Variants in PEX5L observed in about 807,000 individuals in gnomAD.
PEX5L encodes PEX5-related protein.
A neutral mutation model predicts 84.0 loss-of-function variants in PEX5L; 30 were observed. That is an observed-to-expected ratio of 0.36 (90% CI 0.27 to 0.48). PEX5L has a LOEUF of 0.48. Ranked by LOEUF, PEX5L falls within the 20% of genes least tolerant of loss-of-function variation. The probability of loss-of-function intolerance (pLI) is 0.99; values close to 1 mark genes in which losing one functional copy is unlikely to be tolerated. For synonymous variants in PEX5L, 270 were observed against 283.1 expected (o/e 0.95, Z 0.46); for missense variants, 533 against 754.6 (o/e 0.71, Z 3.44).
In PEX5L at chr3:179,799,793, G is replaced by C. The variant is rs1040291252; in HGVS notation, c.*2035C>G. ...AGGCTGGCCCCAAGAGTCCTTACCA[G>C]ACTGGGTTTCTCGAATTCTACAATT... is the stretch of plus-strand genomic sequence containing the variant. On this transcript the variant is annotated 3_prime_UTR_variant, in exon 15 of 15. Transcript: ENST00000467460. The C allele has an allele frequency of 1.3e-5, 2 of 152,198 alleles. No individual in the cohort carries two copies. The highest frequency in any genetic ancestry group is 4.1e-4 in the South Asian group (2 of 4,832). The allele number at this position is 152,198 out of a possible 1,614,324, so 9.4% of individuals were successfully genotyped here.
At chr3:179,876,801 C>T (rs1752572548) in intron 5 of PEX5L, among the ~76,000 whole-genome samples, 1 of 152,080 alleles carries the variant, frequency 6.6e-6, no homozygotes, top group Non-Finnish European at 1.5e-5. Context: ...ATTGTAGGTA[C>T]CTCATACAAG....
chr3:179,907,536 ACTCCTGGCCTCAAGTGATC>A (rs1433766630), intron 2 of PEX5L, among the ~76,000 whole-genome samples: 6 of 151,354 alleles, frequency 4.0e-5, no homozygotes, highest in African/African-American at 7.3e-5. Flanking sequence ...CTGGTCTCAA[ACTCCTGGCCTCAAGTGATC>A]CTCCTGTCTT....
At chr3:179,913,758 T>C (rs1766008313) in intron 2 of PEX5L, among the ~76,000 whole-genome samples, 1 of 152,200 alleles carries the variant, frequency 6.6e-6, no homozygotes, top group Non-Finnish European at 1.5e-5. Flanking sequence ...AGAAAGTGAC[T>C]GACAGTTTTT....
intron 8 of PEX5L, among the ~76,000 whole-genome samples, chr3:179,832,675 CCTA>C (rs527812123): frequency 9.3e-5 from 14 of 151,346 alleles, no homozygotes; most frequent in African/African-American, 3.2e-4. Context: ...CACCAACCTA[CCTA>C]CTTACCCACC....
chr3:179,857,672 T>C (rs1744521190), intron 8 of PEX5L, among the ~76,000 whole-genome samples: 1 of 152,266 alleles, frequency 6.6e-6, no homozygotes, highest in Admixed American at 6.5e-5. Flanking sequence ...CAGATACATT[T>C]AAATGTCTTT....
intron 8 of PEX5L, among the ~76,000 whole-genome samples, chr3:179,845,329 G>A (rs1312129486): frequency 6.6e-6 from 1 of 152,106 alleles, no homozygotes. Context: ...CTTTTTACAG[G>A]AAATCACATA....
At chr3:179,851,550 C>T (rs1741893368) in intron 8 of PEX5L, among the ~76,000 whole-genome samples, 1 of 152,198 alleles carries the variant, frequency 6.6e-6, no homozygotes, top group South Asian at 2.1e-4. Flanking sequence ...TAGCAGTAAA[C>T]TTTTTCACTG....
At chr3:180,022,152 T>A (rs1027128028) in intron 1 of PEX5L, among the ~76,000 whole-genome samples, 2 of 152,236 alleles carry the variant, frequency 1.3e-5, no homozygotes, top group African/African-American at 2.4e-5. Flanking sequence ...TTACATTGAA[T>A]AATTTGATCA....
chr3:179,992,617 C>T (rs961774808), intron 1 of PEX5L, among the ~76,000 whole-genome samples: 25 of 151,964 alleles, frequency 1.6e-4, no homozygotes, highest in African/African-American at 6.0e-4. Flanking sequence ...CAGATGGCTC[C>T]CACTCAGAAA....
At chr3:180,010,246 CTTT>C (rs1178375452) in intron 1 of PEX5L, among the ~76,000 whole-genome samples, 1 of 105,178 alleles carries the variant, frequency 9.5e-6, no homozygotes, top group South Asian at 3.2e-4. Flanking sequence ...CACCCGGCCT[CTTT>C]TTTTTTTTTT....
chr3:179,866,880 G>T (rs1748423299), intron 7 of PEX5L, among the ~76,000 whole-genome samples: 1 of 151,456 alleles, frequency 6.6e-6, no homozygotes, highest in Non-Finnish European at 1.5e-5. Flanking sequence ...CAAAAAATCA[G>T]CCGGGCATGG....
intron 2 of PEX5L, among the ~76,000 whole-genome samples, chr3:179,924,783 G>A (rs1770920055): frequency 6.6e-6 from 1 of 152,188 alleles, no homozygotes; most frequent in South Asian, 2.1e-4. Flanking sequence ...TGTATTAAGA[G>A]AGTCAACAGA....
chr3:179,888,101 G>T, intron 3 of PEX5L: 2 of 1,261,812 alleles, frequency 1.6e-6, no homozygotes, highest in South Asian at 2.5e-5. Flanking sequence ...AGTTGCTAAG[G>T]GCCAATCCCA....
chr3:179,969,878 C>G (rs566914011), intron 2 of PEX5L, among the ~76,000 whole-genome samples: 11 of 152,094 alleles, frequency 7.2e-5, no homozygotes, highest in Non-Finnish European at 1.0e-4. Context: ...TCTGAAGAAG[C>G]AGGAAGGTTT....
At position 180,024,346 on chromosome 3, in the gene PEX5L, A is replaced by AT. The variant is rs1790707031; in HGVS notation, c.21+12232_21+12233insA. ...AACACTGTGAAACCCCGTCCCTACT[A>AT]AATATATATATATATATATATATAT... On this transcript the variant is annotated intron_variant, in intron 1 of 14. Transcript: ENST00000467460. 6.8e-5 allele frequency among the ~76,000 whole-genome samples: 7 copies of AT among 103,656 alleles called. No individual in the cohort carries two copies. In the South Asian group the frequency reaches 8.4e-4, roughly 12 times the overall value. The allele number at this position is 103,656 out of a possible 152,430, so 68.0% of individuals were successfully genotyped here.
At chr3:179,955,797 T>C (rs1373637167) in intron 2 of PEX5L, among the ~76,000 whole-genome samples, 2 of 152,168 alleles carry the variant, frequency 1.3e-5, no homozygotes, top group Non-Finnish European at 2.9e-5. Context: ...TAGAAAGTTA[T>C]CTAAATAATC....
intron 4 of PEX5L, among the ~76,000 whole-genome samples, chr3:179,880,345 AC>A (rs1753790838): frequency 6.6e-6 from 1 of 152,176 alleles, no homozygotes; most frequent in Non-Finnish European, 1.5e-5. Context: ...AAGGACTTAG[AC>A]CAGCCTCAGC....
In PEX5L at chr3:179,894,252, G is replaced by A. The variant is rs539263409; in HGVS notation, c.198+3890C>T. On this transcript the variant is annotated intron_variant, in intron 3 of 14. Transcript: ENST00000467460. The stretch of plus-strand genomic sequence containing the variant: ...GCCAAGTCAACTGACTGTATCAATT[G>A]AAAAGATAAAGACAACTAAATCATT... Among the ~76,000 whole-genome samples, 13 of 152,148 alleles carry A rather than the reference G, an allele frequency of 8.5e-5. No homozygotes were observed. In the East Asian group the frequency reaches 2.5e-3, roughly 29 times the overall value.
intron 8 of PEX5L, among the ~76,000 whole-genome samples, chr3:179,849,773 C>G (rs546072889): frequency 1.3e-5 from 2 of 152,332 alleles, no homozygotes; most frequent in South Asian, 2.1e-4. Context: ...TCACTTTCTT[C>G]TCCATTTATT....
Sources: allele counts gnomAD v4.1 joint callset (sites outside exome capture counted in the v4.1 genomes callset), GRCh38; gene constraint gnomAD v4.1.1; transcripts MANE v1.5; gene names NCBI Gene and HGNC (gene_info 2026-07-23, HGNC 2026-07-21).